The following MEIS2 variants were observed in gnomAD, a reference collection of about 807,000 sequenced individuals.
MEIS2 encodes the protein Meis homeobox 2.
A neutral mutation model predicts 58.6 loss-of-function variants in MEIS2; 9 were observed. That is an observed-to-expected ratio of 0.15 (90% confidence interval 0.09 to 0.27). The LOEUF (loss-of-function observed/expected upper bound fraction) is 0.27. Among genes scored for constraint, MEIS2 ranks in the 10% least tolerant of loss-of-function variants. The pLI is 1.00. For synonymous variants in MEIS2, 221 were observed against 228.4 expected, an observed-to-expected ratio of 0.97 and a Z score of 0.29; for missense variants, 427 against 635.0, an observed-to-expected ratio of 0.67 and a Z score of 3.52.
At chr15:36,995,966 T>C (rs1349848440) in intron 8 of MEIS2, among the ~76,000 whole-genome samples, 47 of 6,330 alleles carry the variant, frequency 7.4e-3, no homozygotes, top group Non-Finnish European at 2.8e-3. Context: ...GATATATATA[T>C]ATATATATAT....
intron 8 of MEIS2, among the ~76,000 whole-genome samples, chr15:37,017,470 G>T (rs1001064144): frequency 1.3e-5 from 2 of 152,056 alleles, no homozygotes; most frequent in African/African-American, 4.8e-5. Context: ...AGTGAACTGG[G>T]TATGGTGGGT....
intron 9 of MEIS2, among the ~76,000 whole-genome samples, chr15:36,936,785 T>A (rs2058191336): frequency 6.6e-6 from 1 of 152,248 alleles, no homozygotes; most frequent in Non-Finnish European, 1.5e-5. Flanking sequence ...TTTTCATGTA[T>A]TTCTCCAAAT....
chr15:37,063,580 T>C (rs1244346491), intron 7 of MEIS2, among the ~76,000 whole-genome samples: 3 of 152,212 alleles, frequency 2.0e-5, no homozygotes, highest in Non-Finnish European at 4.4e-5. Context: ...AGAGTAGCTG[T>C]CAAGCATTAG....
chr15:37,055,782 C>T (rs1888317793), intron 7 of MEIS2, among the ~76,000 whole-genome samples: 1 of 152,160 alleles, frequency 6.6e-6, no homozygotes, highest in African/African-American at 2.4e-5. Context: ...ACCATGGAAT[C>T]AGTTAACAAT....
chr15:36,928,567 C>A (rs1025648893), intron 9 of MEIS2, among the ~76,000 whole-genome samples: 9 of 152,098 alleles, frequency 5.9e-5, no homozygotes, highest in Admixed American at 2.6e-4. Context: ...GAAAAAGTAC[C>A]AAATACTACC....
At position 37,083,823 on chromosome 15, in the gene MEIS2, C is replaced by G. The variant is rs985833667; in HGVS notation, c.702G>C (p.Gly234=). The change falls in exon 7 of 12, where the codon GGG becomes GGC. Residue 234 remains glycine, a synonymous_variant. Transcript: ENST00000561208. ...ATSTHSAGTP[G]PSSGGHASQS... ...GGGAAGCATGGCCCCCACTGGAGGGCCCTGGGGTGCCTGCTGAGTGGGTTG... is the reference window on the plus strand; with the variant it reads ...GGGAAGCATGGCCCCCACTGGAGGGGCCTGGGGTGCCTGCTGAGTGGGTTG... The G allele has an allele frequency of 4.3e-6, 7 of 1,613,884 alleles. No individual in the cohort carries two copies. The highest frequency in any genetic ancestry group is 5.1e-6 in the Non-Finnish European group (6 of 1,179,972).
At chr15:37,001,060 T>A (rs900497309) in intron 8 of MEIS2, among the ~76,000 whole-genome samples, 4 of 152,218 alleles carry the variant, frequency 2.6e-5, no homozygotes, top group Non-Finnish European at 5.9e-5. Context: ...CTGTCGACCT[T>A]GATCTGTTGA....
At chr15:37,053,875 T>C (rs1441886425) in intron 7 of MEIS2, among the ~76,000 whole-genome samples, 1 of 152,210 alleles carries the variant, frequency 6.6e-6, no homozygotes, top group African/African-American at 2.4e-5. Flanking sequence ...CTTTGAAACA[T>C]GTGATCTTGG....
chr15:37,040,455 CT>C (rs1555457736), intron 7 of MEIS2, among the ~76,000 whole-genome samples: 2 of 152,168 alleles, frequency 1.3e-5, no homozygotes, highest in Non-Finnish European at 2.9e-5. Context: ...GGTCTTGTTC[CT>C]CTGGAACAGC....
At chr15:36,920,084 T>G (rs1048650864) in intron 9 of MEIS2, among the ~76,000 whole-genome samples, 6 of 152,116 alleles carry the variant, frequency 3.9e-5, no homozygotes, top group Admixed American at 2.0e-4. Context: ...GGCTGGAGAT[T>G]AAAGTCCCAG....
At chr15:37,052,442 T>G (rs1362507631) in intron 7 of MEIS2, among the ~76,000 whole-genome samples, 2 of 152,208 alleles carry the variant, frequency 1.3e-5, no homozygotes, top group African/African-American at 4.8e-5. Context: ...AGCTGGGTCT[T>G]GAACTCTAAA....
Position 37,074,966 on chromosome 15 carries a change from A to G in MEIS2, c.754+8805T>C, listed in dbSNP as rs534073191. Among the ~76,000 whole-genome samples, 4 of 152,162 alleles carry G rather than the reference A, an allele frequency of 2.6e-5. No homozygotes were observed. In the East Asian group the frequency reaches 7.7e-4, roughly 29 times the overall value. ...TATATTTGCCCAAATGCAAACTATG[A>G]AAATCTGGAGGACATGTGTAGAAAA... is the stretch of plus-strand genomic sequence containing the variant. On this transcript the variant is annotated intron_variant, in intron 7 of 11. Coordinates refer to ENST00000561208, the MANE Select transcript of MEIS2 (RefSeq NM_170675.5).
At chr15:37,041,459 A>AT (rs2062419202) in intron 7 of MEIS2, among the ~76,000 whole-genome samples, 1 of 152,126 alleles carries the variant, frequency 6.6e-6, no homozygotes, top group Non-Finnish European at 1.5e-5. Context: ...CTGGATTTAC[A>AT]CCTATGCTCT....
Position 36,897,052 on chromosome 15 carries a change from G to A in MEIS2, c.978-366C>T, listed in dbSNP as rs116254385. On this transcript the variant is annotated intron_variant, in intron 9 of 11. Transcript: ENST00000561208. ...AGACTCCCCGTGATAGGGAGACCCAGCTTCCCCTTGCAGCTGGTCATAAAT... is the reference window on the plus strand; with the variant it reads ...AGACTCCCCGTGATAGGGAGACCCAACTTCCCCTTGCAGCTGGTCATAAAT... 9.1e-5 allele frequency: 18 copies of A among 197,534 alleles called. No homozygotes were observed. In the East Asian group the frequency reaches 2.2e-3, roughly 24 times the overall value. 12.2% of individuals were successfully genotyped at this position (197,534 alleles called of 1,614,324 possible). A position where few individuals can be genotyped will look rare whatever the true frequency, so the allele number is the denominator to read the frequency against.
At chr15:37,086,062 A>T (rs2141926184) in intron 6 of MEIS2, among the ~76,000 whole-genome samples, 1 of 152,360 alleles carries the variant, frequency 6.6e-6, no homozygotes, top group African/African-American at 2.4e-5. Context: ...CACCTAAGCT[A>T]AACTTTTCAT....
At chr15:36,996,891 C>T (rs2060541709) in intron 8 of MEIS2, among the ~76,000 whole-genome samples, 1 of 152,176 alleles carries the variant, frequency 6.6e-6, no homozygotes, top group African/African-American at 2.4e-5. Flanking sequence ...TACATACTTG[C>T]ATTCAGGCCT....
chr15:36,941,851 T>C, intron 9 of MEIS2, among the ~76,000 whole-genome samples: 1 of 152,092 alleles, frequency 6.6e-6, no homozygotes, highest in Non-Finnish European at 1.5e-5. Context: ...CACGTGTGGG[T>C]TTTGAAGTAG....
chr15:37,024,721 C>T (rs1217437953), intron 8 of MEIS2, among the ~76,000 whole-genome samples: 1 of 152,176 alleles, frequency 6.6e-6, no homozygotes, highest in Non-Finnish European at 1.5e-5. Flanking sequence ...CTGTCTAGTA[C>T]CAGACTTTGC....
At chr15:36,962,539 T>A (rs2059220989) in intron 8 of MEIS2, among the ~76,000 whole-genome samples, 1 of 152,248 alleles carries the variant, frequency 6.6e-6, no homozygotes, top group Non-Finnish European at 1.5e-5. Context: ...TTTGCATTTT[T>A]TTTTTACTGT....
Sources: allele counts gnomAD v4.1 joint callset (sites outside exome capture counted in the v4.1 genomes callset), GRCh38; gene constraint gnomAD v4.1.1; transcripts MANE v1.5; gene names NCBI Gene and HGNC (gene_info 2026-07-23, HGNC 2026-07-21).